NAV1: variants seen among roughly 807,000 people sequenced by gnomAD.
The protein encoded by NAV1 is pore membrane and/or filament interacting like protein 3.
A neutral mutation model predicts 175.2 loss-of-function variants in NAV1; 18 were observed. That is an observed-to-expected ratio of 0.10 (90% confidence interval 0.07 to 0.15). NAV1 has a LOEUF of 0.15. NAV1 is among the 10% of genes least tolerant of loss of function. The pLI is 1.00. For missense variants in NAV1, 1,731 were observed against 2,436.6 expected (o/e 0.71, Z 6.10); for synonymous variants, 897 against 978.7 (o/e 0.92, Z 1.56).
At chr1:201,759,723 A>G (rs1674723879) in intron 3 of NAV1, among the ~76,000 whole-genome samples, 1 of 152,234 alleles carries the variant, frequency 6.6e-6, no homozygotes, top group Admixed American at 6.5e-5. Flanking sequence ...TCAGACTTCT[A>G]CATGGATTGC....
At chr1:201,541,148 T>C (rs527596598) in intron 1 of NAV1, among the ~76,000 whole-genome samples, 1 of 152,340 alleles carries the variant, frequency 6.6e-6, no homozygotes, top group East Asian at 1.9e-4. Context: ...TTTTAGATAT[T>C]TGGGTGTTTG....
chr1:201,720,773 A>G (rs1013108956), intron 3 of NAV1, among the ~76,000 whole-genome samples: 5 of 152,250 alleles, frequency 3.3e-5, no homozygotes, highest in Non-Finnish European at 7.3e-5. Context: ...ATGCTCACTA[A>G]ATGATAGCTA....
rs111983793 is a variant in NAV1 at position 201,565,263 on chromosome 1, A to G, written c.-143-23276A>G. 5.6e-3 allele frequency among the ~76,000 whole-genome samples: 847 copies of G among 152,356 alleles called. 7 individuals are homozygous for G. The highest frequency in any genetic ancestry group is 0.02 in the African/African-American group (816 of 41,586). Reference sequence around the variant, plus strand: ...TAAATATTTAGCTACTGCTATCATCATTACTACATAAACCATGTGGTGCCT... The same window carrying G: ...TAAATATTTAGCTACTGCTATCATCGTTACTACATAAACCATGTGGTGCCT... On this transcript the variant is annotated intron_variant, in intron 1 of 33. Coordinates refer to the NAV1 transcript ENST00000685211.
intron 1 of NAV1, among the ~76,000 whole-genome samples, chr1:201,658,927 T>TAA (rs1409799364): frequency 6.6e-6 from 1 of 152,236 alleles, no homozygotes; most frequent in East Asian, 1.9e-4. Flanking sequence ...ACTCTTAGCC[T>TAA]AAACTCAAGT....
intron 2 of NAV1, among the ~76,000 whole-genome samples, chr1:201,599,459 C>T (rs1456344726): frequency 3.9e-5 from 6 of 152,198 alleles, no homozygotes; most frequent in Admixed American, 6.5e-5. Flanking sequence ...GTTCCCTGTG[C>T]GCCTTGTAAG....
At chr1:201,753,750 A>C (rs948244435) in intron 3 of NAV1, among the ~76,000 whole-genome samples, 1 of 152,232 alleles carries the variant, frequency 6.6e-6, no homozygotes. Context: ...TGTGCTAGGC[A>C]AACTCCACAT....
intron 2 of NAV1, among the ~76,000 whole-genome samples, chr1:201,604,119 G>A (rs1009439380): frequency 1.1e-4 from 16 of 152,134 alleles, no homozygotes; most frequent in Non-Finnish European, 2.2e-4. Flanking sequence ...GCAGTGGCAC[G>A]ATCACTGCTC....
chr1:201,820,291 C>G (rs1679308504), exon 30 of NAV1: 1 of 169,814 alleles, frequency 5.9e-6, no homozygotes, highest in South Asian at 1.6e-4. Context: ...TGCAGCAGTT[C>G]CTAAATGATT....
At chr1:201,642,525 T>TTCTTTCTTTCTTTC (rs1553247051) in intron 2 of NAV1, among the ~76,000 whole-genome samples, 8 of 100,410 alleles carry the variant, frequency 8.0e-5, no homozygotes, top group African/African-American at 3.4e-4. Context: ...TTCTTTCTTT[T>TTCTTTCTTTCTTTC]TTTCTTTCTT....
chr1:201,735,530 A>G (rs1291315874), intron 3 of NAV1, among the ~76,000 whole-genome samples: 1 of 152,214 alleles, frequency 6.6e-6, no homozygotes, highest in Non-Finnish European at 1.5e-5. Context: ...ACTCTGGAAG[A>G]CACAGGCATT....
At chr1:201,664,076 A>G (rs1669720554) in intron 1 of NAV1, among the ~76,000 whole-genome samples, 1 of 152,222 alleles carries the variant, frequency 6.6e-6, no homozygotes, top group Non-Finnish European at 1.5e-5. Flanking sequence ...GATCCGGAGT[A>G]TAGTGGCCAA....
intron 1 of NAV1, among the ~76,000 whole-genome samples, chr1:201,573,803 A>C (rs956077778): frequency 6.9e-4 from 103 of 148,716 alleles, no homozygotes; most frequent in African/African-American, 2.7e-3. Context: ...TGTCCAAAAA[A>C]TGCATTACAT....
intron 2 of NAV1, among the ~76,000 whole-genome samples, chr1:201,615,263 C>CTTTTTTTTTT (rs1256633287): frequency 1.4e-5 from 2 of 145,022 alleles, no homozygotes; most frequent in African/African-American, 2.7e-5. Context: ...TTCTTTCTTT[C>CTTTTTTTTTT]TTTCTTTTTT....
At chr1:201,794,915 A>AC (rs372341507) in intron 15 of NAV1, 2,553 of 224,848 alleles carry the variant, frequency 0.011, 75 homozygotes, top group African/African-American at 0.055. Flanking sequence ...CACACACACA[A>AC]ACAATCTTAT....
chr1:201,782,675 A>G lies in NAV1; in HGVS notation c.2163A>G (p.Val721=), dbSNP rs1298446748. Residue 721 remains valine (V), a synonymous_variant, in exon 6 of 30, where the codon GTA becomes GTG. Transcript: ENST00000367296. This position sits in a 1 kb window ranked among gnomAD's most constrained non-coding sequence, Gnocchi z 5.4. ...CCAGACTGAAGGAGCCTACCAAGGTAGCCAGTGGGCGGACCACTCCAGCCC... is the reference window on the plus strand; with the variant it reads ...CCAGACTGAAGGAGCCTACCAAGGTGGCCAGTGGGCGGACCACTCCAGCCC... 2 of 1,614,076 alleles carry G rather than the reference A, an allele frequency of 1.2e-6. No individual in the cohort carries two copies. The highest frequency in any genetic ancestry group is 1.7e-6 in the Non-Finnish European group (2 of 1,180,026).
At chr1:201,591,192 A>G (rs1435910117) in intron 2 of NAV1, among the ~76,000 whole-genome samples, 1 of 152,088 alleles carries the variant, frequency 6.6e-6, no homozygotes, top group Admixed American at 6.6e-5. Flanking sequence ...CTGTAAAACA[A>G]CGGTATTGGA....
chr1:201,626,980 A>G (rs1384384279), intron 1 of NAV1, among the ~76,000 whole-genome samples: 1 of 152,222 alleles, frequency 6.6e-6, no homozygotes, highest in Non-Finnish European at 1.5e-5. Context: ...GCCTTCCTCA[A>G]TGTTTCTGCC....
At chr1:201,686,361 C>G (rs1670687293) in intron 1 of NAV1, among the ~76,000 whole-genome samples, 1 of 152,148 alleles carries the variant, frequency 6.6e-6, no homozygotes. Flanking sequence ...CACACCTTCC[C>G]CAGGTCCCCA....
intron 2 of NAV1, among the ~76,000 whole-genome samples, chr1:201,634,869 T>C (rs772065693): frequency 3.3e-5 from 5 of 152,110 alleles, no homozygotes; most frequent in Non-Finnish European, 7.3e-5. Flanking sequence ...GTGCTCCACA[T>C]ATAGTACAAA....
Sources: allele counts gnomAD v4.1 joint callset (sites outside exome capture counted in the v4.1 genomes callset), GRCh38; gene constraint gnomAD v4.1.1; non-coding constraint Gnocchi (gnomAD v3.1); transcripts MANE v1.5; gene names NCBI Gene and HGNC (gene_info 2026-07-23, HGNC 2026-07-21).